The following DPP4 variants were observed in gnomAD, a reference collection of about 807,000 sequenced individuals.
The protein encoded by DPP4 is dipeptidyl peptidase 4.
A neutral mutation model predicts 122.4 loss-of-function variants in DPP4; 93 were observed. That is an observed-to-expected ratio of 0.76 (90% CI 0.64 to 0.90). The LOEUF (loss-of-function observed/expected upper bound fraction) is 0.90, where lower values mean the gene tolerates loss of function less well. DPP4 is among the 40% of genes least tolerant of loss of function. DPP4 has a pLI of 0.00. For synonymous variants in DPP4, 321 were observed against 302.9 expected (o/e 1.06, Z -0.62); for missense variants, 914 against 907.3 (o/e 1.01, Z -0.09).
chr2:162,029,208 T>G (rs944418292), intron 10 of DPP4, among the ~76,000 whole-genome samples: 1 of 152,230 alleles, frequency 6.6e-6, no homozygotes, highest in Non-Finnish European at 1.5e-5. Flanking sequence ...TAAATGTTTG[T>G]TGGGTAATAT....
chr2:161,993,982 T>C (rs1269001629), intron 25 of DPP4, among the ~76,000 whole-genome samples: 1 of 152,248 alleles, frequency 6.6e-6, no homozygotes, highest in Non-Finnish European at 1.5e-5. Flanking sequence ...GATTTTAAAC[T>C]GGTATTTTAA....
chr2:162,070,184 A>G (rs571972518), intron 2 of DPP4, among the ~76,000 whole-genome samples: 1 of 152,344 alleles, frequency 6.6e-6, no homozygotes, highest in South Asian at 2.1e-4. Flanking sequence ...TTGAAAAAAA[A>G]TTTAAAACAT....
At chr2:162,034,843 G>A (rs1242651027) in intron 9 of DPP4, among the ~76,000 whole-genome samples, 2 of 152,130 alleles carry the variant, frequency 1.3e-5, no homozygotes, top group African/African-American at 4.8e-5. Flanking sequence ...CAAATGAGAC[G>A]AGCTTCTAAT....
intron 2 of DPP4, among the ~76,000 whole-genome samples, chr2:162,066,057 A>G (rs1283008733): frequency 6.6e-6 from 1 of 152,140 alleles, no homozygotes; most frequent in Non-Finnish European, 1.5e-5. Context: ...GGCTGATCCA[A>G]TAGGAAAGGG....
In DPP4 at chr2:162,033,485, C is replaced by T. The variant is rs1434955923; in HGVS notation, c.887+56G>A. 3 of 1,394,066 alleles carry T rather than the reference C, an allele frequency of 2.2e-6. No homozygotes were observed. The African/African-American group carries it at 4.3e-5, about 20-fold the overall frequency. The allele number at this position is 1,394,066 out of a possible 1,614,324, so 86.4% of individuals were successfully genotyped here. The stretch of plus-strand genomic sequence containing the variant: ...CTTTGCCATTCACTTTTGAAAAGTT[C>T]TCCCTAGAAAGTGTAAAACTGTTTA... On this transcript the variant is annotated intron_variant, in intron 10 of 25. Coordinates refer to ENST00000360534, the MANE Select transcript of DPP4 (RefSeq NM_001935.4).
chr2:162,001,034 A>G (rs780213379), intron 23 of DPP4, among the ~76,000 whole-genome samples: 12 of 152,164 alleles, frequency 7.9e-5, no homozygotes, highest in Middle Eastern at 3.4e-3. Context: ...CCTTCCCCCA[A>G]TACGTAACCT....
intron 2 of DPP4, among the ~76,000 whole-genome samples, chr2:162,060,859 C>T (rs1229741520): frequency 6.6e-6 from 1 of 151,570 alleles, no homozygotes; most frequent in Non-Finnish European, 1.5e-5. Context: ...AAACACAAAG[C>T]TCCTTCCTTC....
intron 2 of DPP4, among the ~76,000 whole-genome samples, chr2:162,061,904 A>G (rs561051765): frequency 1.3e-5 from 2 of 152,334 alleles, no homozygotes; most frequent in South Asian, 4.1e-4. Context: ...AACAAGTGCC[A>G]TGGAGCCTTC....
At chr2:162,049,194 C>T (rs1264701305) in intron 2 of DPP4, among the ~76,000 whole-genome samples, 1 of 152,176 alleles carries the variant, frequency 6.6e-6, no homozygotes. Context: ...GCAGGAAATG[C>T]CTTCCTTGTA....
chr2:162,030,665 G>C (rs1238873952), intron 10 of DPP4, among the ~76,000 whole-genome samples: 1 of 152,116 alleles, frequency 6.6e-6, no homozygotes, highest in East Asian at 1.9e-4. Context: ...TTTTCCCAGA[G>C]AGCATCTAGA....
chr2:162,027,153 C>G (rs909104339), intron 10 of DPP4, among the ~76,000 whole-genome samples: 4 of 152,010 alleles, frequency 2.6e-5, no homozygotes, highest in African/African-American at 9.7e-5. Flanking sequence ...GAGTTCAAGA[C>G]CAGCCTGACC....
chr2:162,068,505 CA>C (rs1685019398), intron 2 of DPP4, among the ~76,000 whole-genome samples: 1 of 152,142 alleles, frequency 6.6e-6, no homozygotes. Flanking sequence ...GGTATTTACA[CA>C]CTTGTGTAGT....
At chr2:162,027,178 C>T (rs974942190) in intron 10 of DPP4, among the ~76,000 whole-genome samples, 1 of 151,950 alleles carries the variant, frequency 6.6e-6, no homozygotes, top group Non-Finnish European at 1.5e-5. Flanking sequence ...TGGCAAAACC[C>T]TGACTCTACT....
At chr2:162,048,773 A>G (rs1348569102) in intron 2 of DPP4, among the ~76,000 whole-genome samples, 1 of 152,218 alleles carries the variant, frequency 6.6e-6, no homozygotes, top group African/African-American at 2.4e-5. Context: ...ATTTAATGAC[A>G]AAATAGTTGA....
At chr2:161,998,861 C>G (rs1273417136) in intron 23 of DPP4, among the ~76,000 whole-genome samples, 1 of 152,148 alleles carries the variant, frequency 6.6e-6, no homozygotes, top group African/African-American at 2.4e-5. Context: ...ATAAAAGTGT[C>G]ATGATGCAAA....
intron 25 of DPP4, among the ~76,000 whole-genome samples, 163 bp downstream of exon 25, chr2:161,994,798 G>C (rs963871185): frequency 3.3e-5 from 5 of 152,162 alleles, no homozygotes; most frequent in African/African-American, 1.2e-4. Context: ...GCATTACTCT[G>C]TGCATGGCTG....
intron 2 of DPP4, among the ~76,000 whole-genome samples, chr2:162,058,208 G>T (rs1684644594): frequency 6.6e-6 from 1 of 152,116 alleles, no homozygotes; most frequent in Admixed American, 6.6e-5. Context: ...GGAACTTTAG[G>T]TTATTTTGAG....
intron 2 of DPP4, among the ~76,000 whole-genome samples, chr2:162,065,542 A>G (rs991219998): frequency 6.6e-6 from 1 of 152,206 alleles, no homozygotes; most frequent in African/African-American, 2.4e-5. Flanking sequence ...CATTCAAATA[A>G]CTTTTGGCCA....
At chr2:162,029,575 T>C (rs753349721) in intron 10 of DPP4, among the ~76,000 whole-genome samples, 9 of 152,198 alleles carry the variant, frequency 5.9e-5, no homozygotes, top group Admixed American at 1.3e-4. Flanking sequence ...TAGCTTCCAG[T>C]TTATTTATAT....
Sources: gnomAD v4.1 joint callset for allele counts (sites outside exome capture counted in the v4.1 genomes callset) on GRCh38, gnomAD v4.1.1 for gene constraint, MANE v1.5 for transcripts, NCBI Gene and HGNC (gene_info 2026-07-23, HGNC 2026-07-21) for gene names.